The following CYRIB variants were observed in gnomAD, a reference collection of about 807,000 sequenced individuals.
The protein encoded by CYRIB is CYFIP related Rac1 interactor B.
Under a neutral mutation model 44.2 loss-of-function variants are expected in CYRIB, and 8 were observed. The observed-to-expected ratio is 0.18, with a 90% CI of 0.11 to 0.33. The LOEUF is 0.33. Among genes scored for constraint, CYRIB ranks in the 10% least tolerant of loss-of-function variants. The pLI is 1.00. For synonymous variants in CYRIB, 131 were observed against 127.2 expected (o/e 1.03, Z -0.20); for missense variants, 185 against 382.8 (o/e 0.48, Z 4.31).
chr8:129,854,004 C>T (rs1019414249), intron 7 of CYRIB, among the ~76,000 whole-genome samples: 21 of 152,016 alleles, frequency 1.4e-4, no homozygotes, highest in African/African-American at 4.1e-4. Context: ...GAGTACATCG[C>T]GAAATTTTAT....
intron 1 of CYRIB, among the ~76,000 whole-genome samples, chr8:129,938,501 C>T (rs752645586): frequency 6.6e-6 from 1 of 152,176 alleles, no homozygotes; most frequent in South Asian, 2.1e-4. Flanking sequence ...TACACTTACA[C>T]AGAAGTAGCA....
At chr8:129,852,341 A>T in intron 7 of CYRIB, 63 bp from the exon 10 acceptor site, 7 of 1,034,304 alleles carry the variant, frequency 6.8e-6, no homozygotes, top group Non-Finnish European at 9.5e-6. Flanking sequence ...TAACAATTAT[A>T]CAAGGACCCA....
chr8:129,860,380 G>A (rs1465661201), intron 5 of CYRIB, among the ~76,000 whole-genome samples: 2 of 152,130 alleles, frequency 1.3e-5, no homozygotes, highest in Non-Finnish European at 1.5e-5. Flanking sequence ...GTATATAGTA[G>A]AGAAGACAAC....
At chr8:129,890,265 G>A (rs1206479304) in intron 2 of CYRIB, among the ~76,000 whole-genome samples, 1 of 152,136 alleles carries the variant, frequency 6.6e-6, no homozygotes, top group African/African-American at 2.4e-5. Flanking sequence ...TCATGGAAGT[G>A]TCAACTGATG....
At chr8:129,839,680 G>T (rs916999359) in exon 12 of CYRIB, 6 of 152,220 alleles carry the variant, frequency 3.9e-5, no homozygotes, top group African/African-American at 1.4e-4. Flanking sequence ...TCTTTTGATT[G>T]TATTCAACCT....
intron 1 of CYRIB, among the ~76,000 whole-genome samples, chr8:129,986,865 T>G (rs1468155155): frequency 6.6e-6 from 1 of 152,120 alleles, no homozygotes; most frequent in Non-Finnish European, 1.5e-5. Context: ...CCAAGCCCCT[T>G]CTGGTAATGG....
chr8:129,898,797 A>G (rs1237013369), intron 2 of CYRIB, among the ~76,000 whole-genome samples: 1 of 152,212 alleles, frequency 6.6e-6, no homozygotes, highest in Non-Finnish European at 1.5e-5. Context: ...AGTCCAGCAG[A>G]GGTCATTCAT....
At chr8:129,961,474 C>T (rs529500023) in intron 2 of CYRIB, among the ~76,000 whole-genome samples, 2 of 152,312 alleles carry the variant, frequency 1.3e-5, no homozygotes, top group African/African-American at 4.8e-5. Context: ...GGCCATCCAG[C>T]TTCTTGGTTT....
intron 5 of CYRIB, among the ~76,000 whole-genome samples, chr8:129,860,311 G>A (rs1272446069): frequency 3.3e-5 from 5 of 152,300 alleles, no homozygotes; most frequent in Non-Finnish European, 1.5e-5. Context: ...AATAGCATCT[G>A]AGCACCATCA....
At chr8:130,004,594 T>C (rs2134028568) in intron 1 of CYRIB, 1 of 152,232 alleles carries the variant, frequency 6.6e-6, no homozygotes, top group Admixed American at 6.5e-5. Context: ...AAAAGAGCTA[T>C]AGTACTCTTT....
At chr8:129,874,298 T>C (rs1179724533) in intron 3 of CYRIB, among the ~76,000 whole-genome samples, 2 of 152,124 alleles carry the variant, frequency 1.3e-5, no homozygotes, top group Non-Finnish European at 1.5e-5. Flanking sequence ...CATGTTTCAA[T>C]TGTTCTTATT....
intron 1 of CYRIB, among the ~76,000 whole-genome samples, chr8:129,916,996 C>G (rs1589677231): frequency 6.6e-6 from 1 of 152,292 alleles, no homozygotes; most frequent in Admixed American, 6.5e-5. Flanking sequence ...ATGGAGTTAA[C>G]AGACCTTACA....
intron 6 of CYRIB, 104 bp from the exon 9 acceptor site, chr8:129,854,447 T>C (rs1320024883): frequency 2.7e-6 from 2 of 753,980 alleles, no homozygotes; most frequent in Non-Finnish European, 4.2e-6. Context: ...CATTCCATAA[T>C]TCATAGTATC....
At chr8:129,987,343 C>A (rs912520433) in intron 1 of CYRIB, among the ~76,000 whole-genome samples, 1 of 152,080 alleles carries the variant, frequency 6.6e-6, no homozygotes, top group African/African-American at 2.4e-5. Context: ...CAATGTTCTG[C>A]GGGTTAATGA....
At chr8:129,956,757 T>C in intron 2 of CYRIB, among the ~76,000 whole-genome samples, 1 of 152,126 alleles carries the variant, frequency 6.6e-6, no homozygotes, top group South Asian at 2.1e-4. Flanking sequence ...CCTATTCTTT[T>C]TTCTTTTTCA....
At chr8:129,904,904 G>A (rs1164302022) in intron 1 of CYRIB, among the ~76,000 whole-genome samples, 2 of 152,200 alleles carry the variant, frequency 1.3e-5, no homozygotes, top group Non-Finnish European at 2.9e-5. Context: ...GCCACCTTAG[G>A]TAAATGTTAA....
rs568307652 is a variant in CYRIB at position 129,881,593 on chromosome 8, G to A, written c.-10-2122C>T. The stretch of plus-strand genomic sequence containing the variant: ...TTTGCTTTAGAGGTCAAAGTCTGAT[G>A]TACGGAAACACAAATTTCTTATAAA... On this transcript the variant is annotated intron_variant, in intron 2 of 11. Transcript: ENST00000519824. Among the ~76,000 whole-genome samples, 12 of 152,320 alleles carry A rather than the reference G, an allele frequency of 7.9e-5. No homozygotes were observed. In the South Asian group the frequency reaches 2.3e-3, roughly 29 times the overall value.
At chr8:129,941,271 A>AG (rs1168327623), upstream of CYRIB, among the ~76,000 whole-genome samples, 3 of 122,512 alleles carry the variant, frequency 2.4e-5, no homozygotes, top group Admixed American at 9.8e-5. Flanking sequence ...AAACTGAAGG[A>AG]GATTTTTTTT....
intron 2 of CYRIB, among the ~76,000 whole-genome samples, chr8:129,897,395 T>C (rs2068607191): frequency 6.6e-6 from 1 of 152,122 alleles, no homozygotes; most frequent in South Asian, 2.1e-4. Flanking sequence ...TTCACCCATT[T>C]GTTAACATCT....
Sources: gnomAD v4.1 joint callset for allele counts (sites outside exome capture counted in the v4.1 genomes callset) on GRCh38, gnomAD v4.1.1 for gene constraint, MANE v1.5 for transcripts, NCBI Gene and HGNC (gene_info 2026-07-23, HGNC 2026-07-21) for gene names.